Variants in ABRAXAS1 observed in about 807,000 individuals in gnomAD.
ABRAXAS1 encodes abraxas 1, BRCA1 A complex subunit, also known as BRCA1-A complex subunit Abraxas 1.
In ABRAXAS1, 26 loss-of-function variants were observed where a neutral mutation model predicts 38.4. The observed-to-expected ratio is 0.68, with a 90% CI of 0.50 to 0.94. ABRAXAS1 has a LOEUF of 0.94. Among genes scored for constraint, ABRAXAS1 ranks in the 40% least tolerant of loss-of-function variants. The pLI, the probability that ABRAXAS1 is intolerant of heterozygous loss-of-function variation, is 0.00. For missense variants in ABRAXAS1, 438 were observed against 481.9 expected (o/e 0.91, Z 0.85); for synonymous variants, 144 against 165.5 (o/e 0.87, Z 1.00).
chr4:83,470,659 T>C (rs1722548100), intron 4 of ABRAXAS1, among the ~76,000 whole-genome samples: 1 of 152,206 alleles, frequency 6.6e-6, no homozygotes, highest in African/African-American at 2.4e-5. Flanking sequence ...CTTTCTGTAG[T>C]TTCTTTTATG....
intron 7 of ABRAXAS1, 81 bp downstream of exon 7, chr4:83,467,373 G>C: frequency 1.2e-6 from 1 of 816,672 alleles, no homozygotes; most frequent in Admixed American, 2.1e-5. Context: ...CAAGATGTCA[G>C]GTTATCCTAA....
intron 6 of ABRAXAS1, among the ~76,000 whole-genome samples, chr4:83,468,702 T>C (rs913508435): frequency 6.6e-6 from 1 of 152,138 alleles, no homozygotes; most frequent in Non-Finnish European, 1.5e-5. Context: ...CCCAGTACTA[T>C]TTTTTTAAAT....
rs1481501999 is a variant in ABRAXAS1, at chr4:83,462,603, G to A, written c.1096C>T (p.Gln366Ter). ...QFKRSRLLDT[Q>*]DKRSKADTGS... ...GTATCTGCTTTAGATCGTTTGTCTTGTGTATCTAACAACCGAGATCTCTTG... is the reference window on the plus strand; with the variant it reads ...GTATCTGCTTTAGATCGTTTGTCTTATGTATCTAACAACCGAGATCTCTTG... The change falls in exon 9 of 9, where the codon CAA becomes TAA. Residue 366 changes from glutamine (Q) to a stop codon, truncating the protein, a stop_gained. Transcript: ENST00000321945. LOFTEE classifies it low-confidence loss of function (END_TRUNC). 4 of 1,613,924 alleles carry A rather than the reference G, an allele frequency of 2.5e-6. No individual in the cohort carries two copies. Among genetic ancestry groups the A allele is most frequent in the East Asian group, 4.5e-5 (2 of 44,872 alleles).
intron 2 of ABRAXAS1, 85 bp from the exon 3 acceptor site, chr4:83,476,764 C>T (rs1722785988): frequency 1.2e-6 from 1 of 819,178 alleles, no homozygotes; most frequent in Admixed American, 2.0e-5. Context: ...TTACCTCACG[C>T]CAGGAAGTAC....
In ABRAXAS1 at chr4:83,462,266, G is replaced by T. The variant is rs1361215787; in HGVS notation, c.*203C>A. On this transcript the variant is annotated 3_prime_UTR_variant, in exon 9 of 9. Transcript: ENST00000321945. The stretch of plus-strand genomic sequence containing the variant: ...CAACTTAGTGAAAGGTGAAAAAAAG[G>T]TTTGGAAATAAAAGCATCTGATGTT... 4 of 536,046 alleles carry T rather than the reference G, an allele frequency of 7.5e-6. No individual in the cohort carries two copies. Among genetic ancestry groups the T allele is most frequent in the Non-Finnish European group, 1.3e-5 (4 of 306,714 alleles). The allele number at this position is 536,046 out of a possible 1,614,324, so 33.2% of individuals were successfully genotyped here.
At chr4:83,478,467 T>TCCTTTTC (rs1313416447) in intron 2 of ABRAXAS1, 5 of 446,180 alleles carry the variant, frequency 1.1e-5, no homozygotes, top group Middle Eastern at 1.6e-3. Flanking sequence ...GCCTTTCTAC[T>TCCTTTTC]CCTTTTCCCT....
chr4:83,484,609 G>C (rs1202783907), intron 1 of ABRAXAS1, among the ~76,000 whole-genome samples: 1 of 152,214 alleles, frequency 6.6e-6, no homozygotes, highest in East Asian at 1.9e-4. Context: ...AACGCCTGTC[G>C]GGCGTCGCGA....
chr4:83,462,505 C>G lies in ABRAXAS1; in HGVS notation c.1194G>C (p.Lys398Asn), dbSNP rs1318264580. ...PETDEEIEKM[K>N]GFGEYSRSPT... ...GAGACCGTGAATATTCACCAAAACC[C>G]TTCATCTTTTCAATTTCTTCATCTG... is the stretch of plus-strand genomic sequence containing the variant. Residue 398 changes from lysine to asparagine, a missense_variant, in exon 9 of 9, where the codon AAG becomes AAC. Coordinates refer to ENST00000321945, the MANE Select transcript of ABRAXAS1 (RefSeq NM_139076.3). 2 of 1,613,700 alleles carry G rather than the reference C, an allele frequency of 1.2e-6. No homozygotes were observed. Among genetic ancestry groups the G allele is most frequent in the Admixed American group, 3.3e-5 (2 of 59,944 alleles).
chr4:83,461,362 T>C lies in ABRAXAS1; in HGVS notation c.*1107A>G, dbSNP rs1168188156. ...CATTAAGCAGATTGCTTATTTAAAA[T>C]GTTAACACTCATCACATTTTATCTA... is the stretch of plus-strand genomic sequence containing the variant. On this transcript the variant is annotated 3_prime_UTR_variant, in exon 9 of 9. Coordinates refer to ENST00000321945, the MANE Select transcript of ABRAXAS1 (RefSeq NM_139076.3). 1 of 597,222 alleles carries C rather than the reference T, an allele frequency of 1.7e-6. No individual in the cohort carries two copies. Among genetic ancestry groups the C allele is most frequent in the African/African-American group, 1.9e-5 (1 of 53,856 alleles). 37.0% of individuals were successfully genotyped at this position (597,222 alleles called of 1,614,324 possible).
chr4:83,479,960 CAAA>C (rs34519573), intron 2 of ABRAXAS1: 9 of 139,692 alleles, frequency 6.4e-5, no homozygotes, highest in African/African-American at 5.2e-5. Context: ...GACCTCATCT[CAAA>C]AAAAAAAAAA....
chr4:83,461,253 C>A lies in ABRAXAS1; in HGVS notation c.*1216G>T. ...TTTACAGTAAGTGGTTGTATGATGCCAATACTGACTCAAACCAACCTTTGG... is the reference window on the plus strand; with the variant it reads ...TTTACAGTAAGTGGTTGTATGATGCAAATACTGACTCAAACCAACCTTTGG... On this transcript the variant is annotated 3_prime_UTR_variant, in exon 9 of 9. Transcript: ENST00000321945. 1.3e-6 allele frequency: 2 copies of A among 1,510,362 alleles called. No individual in the cohort carries two copies. Among genetic ancestry groups the A allele is most frequent in the Non-Finnish European group, 9.2e-7 (1 of 1,089,150 alleles). 93.6% of individuals were successfully genotyped at this position (1,510,362 alleles called of 1,614,324 possible).
rs750350416 is a variant in ABRAXAS1 at position 83,467,578 on chromosome 4, C to T, written c.597-40G>A. 4 of 979,770 alleles carry T rather than the reference C, an allele frequency of 4.1e-6. No homozygotes were observed. In the South Asian group the frequency reaches 5.4e-5, roughly 13 times the overall value. 60.7% of individuals were successfully genotyped at this position (979,770 alleles called of 1,614,324 possible). A position where few individuals can be genotyped will look rare whatever the true frequency, so the allele number is the denominator to read the frequency against. ...CATTTCCTCAGGCAAATACACAAAA[C>T]CATTTTAATGATAAGGTGAAAAACT... On this transcript the variant is annotated intron_variant, in intron 6 of 8. Coordinates refer to ENST00000321945, the MANE Select transcript of ABRAXAS1 (RefSeq NM_139076.3).
chr4:83,462,202 C>T lies in ABRAXAS1; in HGVS notation c.*267G>A. 1 of 378,274 alleles carries T rather than the reference C, an allele frequency of 2.6e-6. No individual in the cohort carries two copies. Among genetic ancestry groups the T allele is most frequent in the Non-Finnish European group, 4.7e-6 (1 of 211,496 alleles). 23.4% of individuals were successfully genotyped at this position (378,274 alleles called of 1,614,324 possible). A position where few individuals can be genotyped will look rare whatever the true frequency, so the allele number is the denominator to read the frequency against. On this transcript the variant is annotated 3_prime_UTR_variant, in exon 9 of 9. Transcript: ENST00000321945. ...GCCACTGTGCCTGGTCTCACTTTTC[C>T]AATTCTAAAGAATGTGTCTGTGTAA...
rs1229781720 is a variant in ABRAXAS1, at chr4:83,469,066, A to G, written c.562T>C (p.Ser188Pro). The change falls in exon 6 of 9, where the codon TCC (serine) becomes CCC (proline). Residue 188 changes from serine (S) to proline (P), a missense_variant. Around this residue, in one of 3 missense-constraint regions of ABRAXAS1, gnomAD observed 194 missense variants for 269.0 expected, o/e 0.72. Coordinates refer to ENST00000321945, the MANE Select transcript of ABRAXAS1 (RefSeq NM_139076.3). ...TGTACTGCTCGGCTAAAACCAGTGG[A>G]CATACAGGAACCTGATACAGTTTTA... ...GYKTVSGSCMSTGFSRAVQTH... is the reference protein window; with the variant it reads ...GYKTVSGSCMPTGFSRAVQTH... 6.2e-7 allele frequency: 1 copy of G among 1,613,598 alleles called. No individual in the cohort carries two copies. Among genetic ancestry groups the G allele is most frequent in the Non-Finnish European group, 8.5e-7 (1 of 1,180,000 alleles).
rs201424228 is a variant in ABRAXAS1 at position 83,462,917 on chromosome 4, A to G, written c.797-15T>C. ...GTTCTTCTCTCCTAAACAAAATAGA[A>G]TAACAGTTCAACATATAACATTTCT... On this transcript the variant is annotated splice_polypyrimidine_tract_variant and intron_variant, in intron 8 of 8. Transcript: ENST00000321945. 1.9e-5 allele frequency: 29 copies of G among 1,497,940 alleles called. No homozygotes were observed. The highest frequency in any genetic ancestry group is 7.9e-5 in the South Asian group (6 of 75,634). The allele number at this position is 1,497,940 out of a possible 1,614,324, so 92.8% of individuals were successfully genotyped here. A position where few individuals can be genotyped will look rare whatever the true frequency, so the allele number is the denominator to read the frequency against.
At chr4:83,473,590 G>A (rs749594830) in intron 3 of ABRAXAS1, among the ~76,000 whole-genome samples, 4 of 151,858 alleles carry the variant, frequency 2.6e-5, no homozygotes, top group Non-Finnish European at 5.9e-5. Flanking sequence ...CTCGCTCTGT[G>A]GTTCACTATA....
chr4:83,471,067 AG>A (rs925842997), intron 4 of ABRAXAS1, among the ~76,000 whole-genome samples: 2 of 152,196 alleles, frequency 1.3e-5, no homozygotes. Flanking sequence ...ATTTGAATTG[AG>A]GAAATTAAAA....
At position 83,460,685 on chromosome 4, in the gene ABRAXAS1, C is replaced by T. The variant is rs991712842; in HGVS notation, c.*1784G>A. 3.1e-6 allele frequency: 1 copy of T among 323,936 alleles called. No individual in the cohort carries two copies. 20.1% of individuals were successfully genotyped at this position (323,936 alleles called of 1,614,324 possible). A position where few individuals can be genotyped will look rare whatever the true frequency, so the allele number is the denominator to read the frequency against. The stretch of plus-strand genomic sequence containing the variant: ...TTGGGAGGCTGAGGTGGGCAGATCA[C>T]CTGAGGCCAGGAGTTCAGGACCAGC... On this transcript the variant is annotated 3_prime_UTR_variant, in exon 9 of 9. Transcript: ENST00000321945.
Position 83,460,163 on chromosome 4 carries a change from CTT to C in ABRAXAS1, c.*2304_*2305del, listed in dbSNP as rs36014997. 8 of 146,922 alleles carry C rather than the reference CTT, an allele frequency of 5.4e-5. No individual in the cohort carries two copies. The highest frequency in any genetic ancestry group is 2.0e-4 in the East Asian group (1 of 5,100). 9.1% of individuals were successfully genotyped at this position (146,922 alleles called of 1,614,324 possible). On this transcript the variant is annotated 3_prime_UTR_variant, in exon 9 of 9. Coordinates refer to ENST00000321945, the MANE Select transcript of ABRAXAS1 (RefSeq NM_139076.3). ...TTAGGTTCATCATATACAAATGCCACTTTTTTTTTTTTTTGAGATGGAATCTC... is the reference window on the plus strand; with the variant it reads ...TTAGGTTCATCATATACAAATGCCACTTTTTTTTTTTTGAGATGGAATCTC...
Sources: allele counts gnomAD v4.1 joint callset (sites outside exome capture counted in the v4.1 genomes callset), GRCh38; gene constraint gnomAD v4.1.1; regional missense constraint gnomAD v4.1.1; transcripts MANE v1.5; gene names NCBI Gene and HGNC (gene_info 2026-07-23, HGNC 2026-07-21).